RAB39A: variants seen among roughly 807,000 people sequenced by gnomAD.
The protein encoded by RAB39A is ras-related protein Rab-39A.
RAB39A carries 17 observed loss-of-function variants against 20.9 expected under a neutral mutation model. That is an observed-to-expected ratio of 0.81 (90% CI 0.56 to 1.22). The LOEUF (loss-of-function observed/expected upper bound fraction) is 1.22, where lower values mean the gene tolerates loss of function less well. Ranked by LOEUF, RAB39A falls within the 50% of genes most tolerant of loss-of-function variation. The pLI is 0.00. For synonymous variants in RAB39A, 99 were observed against 103.4 expected (o/e 0.96, Z 0.26); for missense variants, 234 against 270.5 (o/e 0.87, Z 0.95).
intron 1 of RAB39A, among the ~76,000 whole-genome samples, chr11:107,957,841 A>T (rs954236777): frequency 3.3e-5 from 5 of 150,792 alleles, no homozygotes; most frequent in African/African-American, 1.2e-4. Context: ...CCATTCCCTG[A>T]CCCCACAATT....
chr11:107,960,748 G>C (rs1209873887), intron 1 of RAB39A, among the ~76,000 whole-genome samples: 1 of 152,206 alleles, frequency 6.6e-6, no homozygotes, highest in Non-Finnish European at 1.5e-5. Flanking sequence ...AGAACGTGGT[G>C]ACAGCTGTAG....
At chr11:107,945,714 T>C (rs1861301027) in intron 1 of RAB39A, among the ~76,000 whole-genome samples, 1 of 152,198 alleles carries the variant, frequency 6.6e-6, no homozygotes, top group Non-Finnish European at 1.5e-5. Flanking sequence ...GATGGGATTC[T>C]GCCATTCCTT....
intron 1 of RAB39A, among the ~76,000 whole-genome samples, chr11:107,932,161 C>G (rs1861144907): frequency 6.6e-6 from 1 of 152,088 alleles, no homozygotes; most frequent in South Asian, 2.1e-4. Flanking sequence ...CTGCGCCAGG[C>G]CAGCCTTAGT....
At chr11:107,937,968 G>C (rs1164655657) in intron 1 of RAB39A, among the ~76,000 whole-genome samples, 4 of 152,240 alleles carry the variant, frequency 2.6e-5, no homozygotes, top group South Asian at 2.1e-4. Context: ...AAATGTATCT[G>C]TAAAGGTCCA....
Position 107,962,518 on chromosome 11 carries a change from A to G in RAB39A, c.*146A>G, listed in dbSNP as rs771511406. 2.0e-5 allele frequency: 15 copies of G among 746,076 alleles called. No homozygotes were observed. Among genetic ancestry groups the G allele is most frequent in the Non-Finnish European group, 2.9e-5 (14 of 486,026 alleles). 46.2% of individuals were successfully genotyped at this position (746,076 alleles called of 1,614,324 possible). On this transcript the variant is annotated 3_prime_UTR_variant, in exon 2 of 2. Coordinates refer to ENST00000320578, the MANE Select transcript of RAB39A (RefSeq NM_017516.3). Reference sequence around the variant, plus strand: ...CTATTTTATAAGGTATTTGATTCAGAGCATGATGCTTACTTGTTACACTAC... The same window carrying G: ...CTATTTTATAAGGTATTTGATTCAGGGCATGATGCTTACTTGTTACACTAC...
intron 1 of RAB39A, among the ~76,000 whole-genome samples, chr11:107,950,820 G>A (rs370609087): frequency 2.0e-4 from 30 of 151,126 alleles, no homozygotes; most frequent in East Asian, 1.4e-3. Context: ...TCTTCTAATC[G>A]GGTTATAACA....
At chr11:107,931,863 CTT>C (rs35328521) in intron 1 of RAB39A, among the ~76,000 whole-genome samples, 17 of 118,034 alleles carry the variant, frequency 1.4e-4, no homozygotes, top group East Asian at 4.8e-4. Flanking sequence ...TTCTTTCCTT[CTT>C]TTTTTTTTTT....
At chr11:107,952,098 TTAA>T (rs754482738) in intron 1 of RAB39A, among the ~76,000 whole-genome samples, 168 of 152,292 alleles carry the variant, frequency 1.1e-3, no homozygotes, top group Non-Finnish European at 1.8e-3. Context: ...AATCAAACAG[TTAA>T]TAATGTTTAC....
chr11:107,933,618 C>T (rs768439518), intron 1 of RAB39A, among the ~76,000 whole-genome samples: 28 of 151,194 alleles, frequency 1.9e-4, no homozygotes, highest in Middle Eastern at 3.5e-3. Context: ...GTGATCTGCC[C>T]GCCTCGGCCT....
At chr11:107,953,282 A>G (rs1861400407) in intron 1 of RAB39A, among the ~76,000 whole-genome samples, 1 of 152,158 alleles carries the variant, frequency 6.6e-6, no homozygotes, top group South Asian at 2.1e-4. Flanking sequence ...TTTTTCTTAC[A>G]AAGTCTATGT....
chr11:107,932,958 A>C (rs894119179), intron 1 of RAB39A, among the ~76,000 whole-genome samples: 15 of 152,098 alleles, frequency 9.9e-5, no homozygotes, highest in Non-Finnish European at 2.1e-4. Context: ...TAATCTGCCT[A>C]CCTCAGCCTC....
chr11:107,941,980 T>C (rs1264315583), intron 1 of RAB39A, among the ~76,000 whole-genome samples: 1 of 150,214 alleles, frequency 6.7e-6, no homozygotes, highest in Admixed American at 6.8e-5. Flanking sequence ...ACACCTGTAA[T>C]CCCAGCTACT....
At position 107,946,236 on chromosome 11, in the gene RAB39A, C is replaced by CA. The variant is rs550561545; in HGVS notation, c.228-15699dup. ...AAGGGAAAAAGAGAATGTTAAAAAA[C>CA]AAAAAAAAAAACCTGTCCTTAATTT... On this transcript the variant is annotated intron_variant, in intron 1 of 1. Transcript: ENST00000320578. Among the ~76,000 whole-genome samples, 886 of 122,260 alleles carry CA rather than the reference C, an allele frequency of 7.2e-3. 6 individuals are homozygous for CA. Among genetic ancestry groups the CA allele is most frequent in the African/African-American group, 0.016 (533 of 33,168 alleles). 80.2% of individuals were successfully genotyped at this position (122,260 alleles called of 152,430 possible).
intron 1 of RAB39A, among the ~76,000 whole-genome samples, chr11:107,948,794 C>T (rs1861344856): frequency 6.6e-6 from 1 of 152,148 alleles, no homozygotes; most frequent in Non-Finnish European, 1.5e-5. Flanking sequence ...CTCACTTTTC[C>T]TGTTCCCCCA....
intron 1 of RAB39A, among the ~76,000 whole-genome samples, chr11:107,936,779 A>G (rs1861197621): frequency 6.6e-6 from 1 of 152,110 alleles, no homozygotes; most frequent in Non-Finnish European, 1.5e-5. Flanking sequence ...AAAACAAATT[A>G]GCTGTGCATG....
intron 1 of RAB39A, among the ~76,000 whole-genome samples, chr11:107,949,236 G>A (rs1861349384): frequency 6.6e-6 from 1 of 152,038 alleles, no homozygotes; most frequent in South Asian, 2.1e-4. Context: ...GCTTGAACCT[G>A]GGAGGTGGAG....
chr11:107,941,676 G>T (rs1861260500), intron 1 of RAB39A, among the ~76,000 whole-genome samples: 1 of 152,168 alleles, frequency 6.6e-6, no homozygotes, highest in African/African-American at 2.4e-5. Flanking sequence ...AAATCTGGAT[G>T]AAAGATAAAG....
chr11:107,957,053 T>G (rs992098574), intron 1 of RAB39A, among the ~76,000 whole-genome samples: 3 of 152,192 alleles, frequency 2.0e-5, no homozygotes, highest in Non-Finnish European at 2.9e-5. Flanking sequence ...TGTGTAAATT[T>G]CCAGTTTTGG....
intron 1 of RAB39A, among the ~76,000 whole-genome samples, chr11:107,956,102 C>G (rs1475404007): frequency 8.5e-5 from 13 of 152,128 alleles, no homozygotes; most frequent in Admixed American, 8.5e-4. Flanking sequence ...ATGCTCATAG[C>G]AACTCAATGA....
Sources: allele counts gnomAD v4.1 joint callset (sites outside exome capture counted in the v4.1 genomes callset), GRCh38; gene constraint gnomAD v4.1.1; transcripts MANE v1.5; gene names NCBI Gene and HGNC (gene_info 2026-07-23, HGNC 2026-07-21).